Variants in CORIN observed in about 807,000 individuals in gnomAD.
CORIN encodes corin, serine peptidase.
CORIN carries 117 observed loss-of-function variants against 125.3 expected under a neutral mutation model. The observed-to-expected ratio is 0.93, with a 90% confidence interval of 0.80 to 1.09. The LOEUF is 1.09. Ranked by LOEUF, CORIN falls within the 50% of genes least tolerant of loss-of-function variation. CORIN has a pLI of 0.00. For missense variants in CORIN, 1,253 were observed against 1,306.7 expected (o/e 0.96, Z 0.63); for synonymous variants, 450 against 466.4 (o/e 0.96, Z 0.45).
chr4:47,767,070 A>C (rs1178361975), intron 3 of CORIN, among the ~76,000 whole-genome samples: 1 of 152,154 alleles, frequency 6.6e-6, no homozygotes, highest in Non-Finnish European at 1.5e-5. Context: ...ATAAACTCAT[A>C]ACAGCAAAGA....
chr4:47,836,838 G>T (rs1733451198), intron 1 of CORIN, among the ~76,000 whole-genome samples: 1 of 152,220 alleles, frequency 6.6e-6, no homozygotes, highest in Non-Finnish European at 1.5e-5. Context: ...CTGGGTCCCA[G>T]TAAGATCCGA....
chr4:47,635,804 A>G (rs1199213821), intron 16 of CORIN, among the ~76,000 whole-genome samples: 3 of 152,206 alleles, frequency 2.0e-5, no homozygotes, highest in Non-Finnish European at 4.4e-5. Context: ...TGAAAAAGAC[A>G]CCTTATCAGA....
intron 20 of CORIN, 141 bp downstream of exon 20, chr4:47,603,256 C>T (rs1364203145): frequency 1.3e-6 from 1 of 797,458 alleles, no homozygotes; most frequent in Admixed American, 2.6e-5. Context: ...TTTGCTTCCC[C>T]TTCCGCCATG....
At chr4:47,737,062 G>GAAAAT (rs915389325) in intron 5 of CORIN, among the ~76,000 whole-genome samples, 2 of 152,198 alleles carry the variant, frequency 1.3e-5, no homozygotes, top group Non-Finnish European at 2.9e-5. Flanking sequence ...GCTCTGAGCA[G>GAAAAT]AAAATAAAAT....
rs542611458 is a variant in CORIN, at chr4:47,826,944, T to C, written c.63+10943A>G. 1.2e-4 allele frequency among the ~76,000 whole-genome samples: 18 copies of C among 152,344 alleles called. No homozygotes were observed. The South Asian group carries it at 3.7e-3, about 32-fold the overall frequency. On this transcript the variant is annotated intron_variant, in intron 1 of 21. Coordinates refer to ENST00000273857, the MANE Select transcript of CORIN (RefSeq NM_006587.4). ...TGTTATGAAAAAAAGGTAAAAGATT[T>C]CATTAATAATTTTTATGTTGATTAC... is the stretch of plus-strand genomic sequence containing the variant.
At chr4:47,704,563 T>C (rs1339354442) in intron 5 of CORIN, among the ~76,000 whole-genome samples, 1 of 151,956 alleles carries the variant, frequency 6.6e-6, no homozygotes, top group Non-Finnish European at 1.5e-5. Context: ...ATATCTGGCC[T>C]TAAGATTAGC....
At chr4:47,752,718 T>A (rs1485612242) in intron 4 of CORIN, among the ~76,000 whole-genome samples, 1 of 152,158 alleles carries the variant, frequency 6.6e-6, no homozygotes, top group Non-Finnish European at 1.5e-5. Flanking sequence ...ACAGTTTGAA[T>A]TAAGATGGGC....
chr4:47,634,004 T>A (rs1722933026), intron 16 of CORIN, among the ~76,000 whole-genome samples: 2 of 152,108 alleles, frequency 1.3e-5, no homozygotes, highest in African/African-American at 4.8e-5. Context: ...TCAAAAAAAA[T>A]TAAACAAATA....
intron 19 of CORIN, among the ~76,000 whole-genome samples, chr4:47,619,420 T>G (rs1722213232): frequency 2.0e-5 from 3 of 152,106 alleles, no homozygotes; most frequent in Admixed American, 6.5e-5. Flanking sequence ...CAAAAGGGAG[T>G]ATGGCATACA....
intron 4 of CORIN, among the ~76,000 whole-genome samples, chr4:47,760,107 A>G (rs187601791): frequency 5.3e-5 from 8 of 152,312 alleles, no homozygotes; most frequent in African/African-American, 1.7e-4. Context: ...CAATCTATCT[A>G]TAGCAGCTAC....
chr4:47,734,316 A>C (rs1728023036), intron 5 of CORIN, among the ~76,000 whole-genome samples: 1 of 152,218 alleles, frequency 6.6e-6, no homozygotes, highest in African/African-American at 2.4e-5. Flanking sequence ...GACGATTGAG[A>C]CAAGAGTCAA....
chr4:47,784,706 GTTC>G (rs891360346), intron 3 of CORIN, among the ~76,000 whole-genome samples: 2 of 152,180 alleles, frequency 1.3e-5, no homozygotes, highest in African/African-American at 4.8e-5. Context: ...GAAAAACACT[GTTC>G]TTAAGAATAA....
intron 13 of CORIN, among the ~76,000 whole-genome samples, chr4:47,647,259 A>G (rs1170884609): frequency 1.3e-5 from 2 of 152,200 alleles, no homozygotes; most frequent in African/African-American, 4.8e-5. Context: ...ACCAGAGAGC[A>G]AAAGACATCA....
At chr4:47,613,820 AG>A (rs1479889910) in intron 19 of CORIN, among the ~76,000 whole-genome samples, 2 of 72,736 alleles carry the variant, frequency 2.7e-5, no homozygotes, top group African/African-American at 1.1e-4. Flanking sequence ...GGGTGGGGGG[AG>A]GGGGGAGGGA....
intron 3 of CORIN, among the ~76,000 whole-genome samples, chr4:47,786,081 C>T (rs745319598): frequency 8.5e-5 from 13 of 152,120 alleles, no homozygotes; most frequent in Admixed American, 5.9e-4. Context: ...AAAGCTGAAG[C>T]GCAAACTTTC....
intron 1 of CORIN, among the ~76,000 whole-genome samples, chr4:47,828,102 G>C (rs1322604925): frequency 6.6e-6 from 1 of 152,150 alleles, no homozygotes; most frequent in African/African-American, 2.4e-5. Context: ...GGACACTAAG[G>C]TCATGTAGGA....
At chr4:47,831,628 C>T (rs1478667656) in intron 1 of CORIN, 1 of 152,192 alleles carries the variant, frequency 6.6e-6, no homozygotes, top group Non-Finnish European at 1.5e-5. Context: ...ATTGTGCTTG[C>T]ACTAAAGCAG....
chr4:47,606,358 T>G (rs1721644045), intron 19 of CORIN, among the ~76,000 whole-genome samples: 1 of 152,110 alleles, frequency 6.6e-6, no homozygotes, highest in Admixed American at 6.5e-5. Context: ...GCTCAAGCGA[T>G]CCACTGGCCT....
chr4:47,724,542 T>C (rs956077548), intron 5 of CORIN, among the ~76,000 whole-genome samples: 1 of 152,176 alleles, frequency 6.6e-6, no homozygotes, highest in African/African-American at 2.4e-5. Context: ...CCTAAATCTT[T>C]GGAATTTTTT....
Sources: allele counts gnomAD v4.1 joint callset (sites outside exome capture counted in the v4.1 genomes callset), GRCh38; gene constraint gnomAD v4.1.1; transcripts MANE v1.5; gene names NCBI Gene and HGNC (gene_info 2026-07-23, HGNC 2026-07-21).